Variants in PEAR1 observed in about 807,000 individuals in gnomAD.
PEAR1 encodes platelet endothelial aggregation receptor 1.
A neutral mutation model predicts 131.2 loss-of-function variants in PEAR1; 113 were observed. The observed-to-expected ratio is 0.86, with a 90% confidence interval of 0.74 to 1.01. PEAR1 has a LOEUF of 1.01. PEAR1 is among the 50% of genes least tolerant of loss of function. PEAR1 has a pLI of 0.00. For synonymous variants in PEAR1, 565 were observed against 523.3 expected, an observed-to-expected ratio of 1.08 and a Z score of -1.09; for missense variants, 1,408 against 1,391.1, an observed-to-expected ratio of 1.01 and a Z score of -0.19.
In PEAR1 at chr1:156,905,544, T is replaced by C. The variant is rs895734377; in HGVS notation, c.307+120T>C. 5 of 859,418 alleles carry C rather than the reference T, an allele frequency of 5.8e-6. No individual in the cohort carries two copies. The African/African-American group carries it at 7.0e-5, about 12-fold the overall frequency. The allele number at this position is 859,418 out of a possible 1,614,324, so 53.2% of individuals were successfully genotyped here. A position where few individuals can be genotyped will look rare whatever the true frequency, so the allele number is the denominator to read the frequency against. ...GGGGTTACTCCTCTGCCCTTTTGGG[T>C]TCCCCCCTCCTCTCCTCTCCCTGGC... is the stretch of plus-strand genomic sequence containing the variant. On this transcript the variant is annotated intron_variant, in intron 4 of 22. Coordinates refer to ENST00000292357, the MANE Select transcript of PEAR1 (RefSeq NM_001080471.3).
At chr1:156,901,555 A>G (rs1306084774) in intron 1 of PEAR1, among the ~76,000 whole-genome samples, 1 of 152,242 alleles carries the variant, frequency 6.6e-6, no homozygotes. Flanking sequence ...GATCCAGGGC[A>G]GAAGGATGGC....
chr1:156,908,942 T>G lies in PEAR1; in HGVS notation c.1317T>G (p.Pro439=), dbSNP rs749100246. The G allele has an allele frequency of 2.5e-6, 4 of 1,613,768 alleles. No homozygotes were observed. In the African/African-American group the frequency reaches 4.0e-5, roughly 16 times the overall value. ...YTGPHCASLC[P]PDTYGVNCSA... ...GCCCTCACTGTGCTAGTCTTTGTCC[T>G]CCTGACACCTACGGTGTCAACTGTT... Residue 439 remains proline, a synonymous_variant, in exon 11 of 23, where the codon CCT becomes CCG. Coordinates refer to ENST00000292357, the MANE Select transcript of PEAR1 (RefSeq NM_001080471.3). The surrounding 1 kb of genome is among the most constrained non-coding windows in gnomAD (Gnocchi z 4.2).
At chr1:156,906,497 C>A in intron 5 of PEAR1, 129 bp downstream of exon 5, 1 of 1,528,936 alleles carries the variant, frequency 6.5e-7, no homozygotes, top group Non-Finnish European at 8.9e-7. Flanking sequence ...AGCCCCATTG[C>A]TGCCATCTGC....
rs781182742 is a variant in PEAR1 at position 156,909,036 on chromosome 1, G to A, written c.1411G>A (p.Gly471Ser). Residue 471 changes from glycine (G) to serine (S), a missense_variant and splice_region_variant, in exon 11 of 23, where the codon GGT (glycine) becomes AGT (serine). Coordinates refer to ENST00000292357, the MANE Select transcript of PEAR1 (RefSeq NM_001080471.3). ...CGACGGCGAGTGCGTCTGCAAGGAA[G>A]GTAATAGGGTGGAGTTTCCCAGAGA... is the stretch of plus-strand genomic sequence containing the variant. ...PIDGECVCKEGWQRGNCSVPC... is the reference protein window; with the variant it reads ...PIDGECVCKESWQRGNCSVPC... 1.9e-6 allele frequency: 3 copies of A among 1,613,836 alleles called. No homozygotes were observed. The highest frequency in any genetic ancestry group is 1.3e-5 in the African/African-American group (1 of 74,928).
chr1:156,908,097 C>A lies in PEAR1; in HGVS notation c.903-31C>A, dbSNP rs534969041. On this transcript the variant is annotated intron_variant, in intron 8 of 22. Coordinates refer to ENST00000292357, the MANE Select transcript of PEAR1 (RefSeq NM_001080471.3). The surrounding 1 kb of genome is among the most constrained non-coding windows in gnomAD (Gnocchi z 4.2). ...GGGAGACGGGAGGGAGGAGGTGGGG[C>A]GCCGCCAGGCTCACTCAGCTAGGTG... The A allele has an allele frequency of 1.5e-4, 237 of 1,570,844 alleles. 1 individual carries two copies. The South Asian group carries it at 2.7e-3, about 18-fold the overall frequency.
chr1:156,905,089 G>GA lies in PEAR1; in HGVS notation c.207-235_207-234insA. 3 of 1,309,388 alleles carry GA rather than the reference G, an allele frequency of 2.3e-6. No individual in the cohort carries two copies. The South Asian group carries it at 3.8e-5, about 17-fold the overall frequency. The allele number at this position is 1,309,388 out of a possible 1,614,324, so 81.1% of individuals were successfully genotyped here. A position where few individuals can be genotyped will look rare whatever the true frequency, so the allele number is the denominator to read the frequency against. On this transcript the variant is annotated intron_variant, in intron 3 of 22. Coordinates refer to ENST00000292357, the MANE Select transcript of PEAR1 (RefSeq NM_001080471.3). ...AGTATATGCCTGTGGGGTTGGGGGG[G>GA]GGGCAAGAAGGGAATGCTCTTTCTT...
rs776244362 is a variant in PEAR1, at chr1:156,907,954, G to A, written c.805G>A (p.Gly269Arg). The stretch of plus-strand genomic sequence containing the variant: ...CCTGCCCTGCCCAGAGGGCTTTCAC[G>A]GACCCAACTGCTCCCAGGAATGTCG... The part of the protein sequence containing the change: ...CSLPCPEGFH[G>R]PNCSQECRCH... Residue 269 changes from glycine to arginine, a missense_variant, in exon 8 of 23, where the codon GGA becomes AGA. Transcript: ENST00000292357. 5.0e-6 allele frequency: 8 copies of A among 1,585,908 alleles called. No homozygotes were observed. Among genetic ancestry groups the A allele is most frequent in the Non-Finnish European group, 6.0e-6 (7 of 1,165,116 alleles).
At chr1:156,914,329 T>C (rs769844083) in intron 22 of PEAR1, among the ~76,000 whole-genome samples, 1 of 152,074 alleles carries the variant, frequency 6.6e-6, no homozygotes, top group Admixed American at 6.5e-5. Context: ...GAGCTCAGGA[T>C]AGAAGTGGGG....
chr1:156,907,661 C>A lies in PEAR1; in HGVS notation c.696C>A (p.Thr232=). The change falls in exon 7 of 23, where the codon ACC becomes ACA. Residue 232 remains threonine (T), a synonymous_variant. Transcript: ENST00000292357. ...QGTSGFFCPS[T]HSCQNGGVFQ... ...CTTCTGGCTTCTTCTGCCCCAGCAC[C>A]CATTCTTGCCAAAATGGAGGTGTCT... 1 of 1,613,984 alleles carries A rather than the reference C, an allele frequency of 6.2e-7. No homozygotes were observed. Among genetic ancestry groups the A allele is most frequent in the Non-Finnish European group, 8.5e-7 (1 of 1,179,912 alleles).
intron 6 of PEAR1, 72 bp from the exon 7 acceptor site, chr1:156,907,538 C>T (rs1650470575): frequency 1.3e-6 from 2 of 1,545,556 alleles, no homozygotes; most frequent in South Asian, 1.3e-5. Context: ...GTTGTGGGGG[C>T]AGTCCTTGGA....
Position 156,906,940 on chromosome 1 carries a change from A to G in PEAR1, c.644+60A>G, listed in dbSNP as rs1245427277. The G allele has an allele frequency of 5.8e-6, 9 of 1,540,904 alleles. No individual in the cohort carries two copies. The African/African-American group carries it at 8.2e-5, about 14-fold the overall frequency. On this transcript the variant is annotated intron_variant, in intron 6 of 22. Coordinates refer to ENST00000292357, the MANE Select transcript of PEAR1 (RefSeq NM_001080471.3). The stretch of plus-strand genomic sequence containing the variant: ...CGCAGACACAAGGCCACACAGATCT[A>G]TGTGGGGAAATGAGGTGACTCAGAC...
At chr1:156,903,870 G>A in intron 1 of PEAR1, 48 bp from the exon 2 acceptor site, 14 of 1,487,272 alleles carry the variant, frequency 9.4e-6, no homozygotes, top group Non-Finnish European at 1.3e-5. Context: ...GGTCCTCCAG[G>A]CTGCTGGCTG....
At chr1:156,896,528 G>A (rs753782303) in intron 1 of PEAR1, among the ~76,000 whole-genome samples, 3 of 152,352 alleles carry the variant, frequency 2.0e-5, no homozygotes, top group East Asian at 1.9e-4. Flanking sequence ...GACAGCCTGC[G>A]GGAGGGGTTG....
Position 156,913,722 on chromosome 1 carries a change from A to T in PEAR1, c.2675A>T (p.Tyr892Phe), listed in dbSNP as rs1009295573. The T allele has an allele frequency of 6.2e-7, 1 of 1,614,104 alleles. No individual in the cohort carries two copies. The highest frequency in any genetic ancestry group is 1.1e-5 in the South Asian group (1 of 91,074). Reference sequence around the variant, plus strand: ...AGCCGCCTGGACCGAAGCTACAGCTATAGCTACAGCAATGGCCCAGGCCCA... The same window carrying T: ...AGCCGCCTGGACCGAAGCTACAGCTTTAGCTACAGCAATGGCCCAGGCCCA... ...GSSRLDRSYS[Y>F]SYSNGPGPFY... The change falls in exon 21 of 23, where the codon TAT becomes TTT. Residue 892 changes from tyrosine (Y) to phenylalanine (F), a missense_variant. Tyr to Phe is a conservative substitution (Grantham distance 22). Coordinates refer to ENST00000292357, the MANE Select transcript of PEAR1 (RefSeq NM_001080471.3).
Position 156,914,843 on chromosome 1 carries a change from T to G in PEAR1, c.*45T>G. 6.2e-7 allele frequency: 1 copy of G among 1,605,658 alleles called. No homozygotes were observed. Among genetic ancestry groups the G allele is most frequent in the Non-Finnish European group, 8.5e-7 (1 of 1,175,068 alleles). On this transcript the variant is annotated 3_prime_UTR_variant, in exon 23 of 23. Coordinates refer to ENST00000292357, the MANE Select transcript of PEAR1 (RefSeq NM_001080471.3). ...AGAGGCCAGCACACCTGGCTGTTGC[T>G]GCTCAAGGCTGGGGACAGAGCCTAG...
Position 156,908,392 on chromosome 1 carries a change from T to C in PEAR1, c.1115+52T>C. The C allele has an allele frequency of 6.9e-7, 1 of 1,453,218 alleles. No individual in the cohort carries two copies. Among genetic ancestry groups the C allele is most frequent in the Non-Finnish European group, 9.1e-7 (1 of 1,100,700 alleles). 90.0% of individuals were successfully genotyped at this position (1,453,218 alleles called of 1,614,324 possible). On this transcript the variant is annotated intron_variant, in intron 9 of 22. Coordinates refer to ENST00000292357, the MANE Select transcript of PEAR1 (RefSeq NM_001080471.3). The surrounding 1 kb of genome is among the most constrained non-coding windows in gnomAD (Gnocchi z 4.2). ...GATCAGGAGGCCAATGGGGAGGTCT[T>C]CCTGGCCGAAGTCACCACAGAGCCA...
rs762839092 is a variant in PEAR1 at position 156,904,801 on chromosome 1, C to G, written c.155C>G (p.Ser52Ter). The change falls in exon 3 of 23, where the codon TCA becomes TGA. Residue 52 changes from serine (S) to a stop codon, truncating the protein, a stop_gained. Transcript: ENST00000292357. LOFTEE classifies it high-confidence loss of function. ...SHSRPFSLLPSEPCERPWEGP... is the reference protein window; with the variant it reads ...SHSRPFSLLP ...TCCCGCCCCTTCAGCCTGCTCCCCT[C>G]AGAGCCCTGCGAGCGGCCCTGGGAG... 6.2e-7 allele frequency: 1 copy of G among 1,613,958 alleles called. No individual in the cohort carries two copies. The highest frequency in any genetic ancestry group is 1.3e-5 in the African/African-American group (1 of 75,056).
At chr1:156,900,586 T>C (rs979019034) in intron 1 of PEAR1, among the ~76,000 whole-genome samples, 9 of 152,178 alleles carry the variant, frequency 5.9e-5, no homozygotes, top group Admixed American at 4.6e-4. Context: ...TAATGTAAAC[T>C]TTAAATGTGA....
chr1:156,908,641 G>T lies in PEAR1; in HGVS notation c.1116-14G>T, dbSNP rs917530446. On this transcript the variant is annotated splice_polypyrimidine_tract_variant and intron_variant, in intron 9 of 22. Coordinates refer to ENST00000292357, the MANE Select transcript of PEAR1 (RefSeq NM_001080471.3). This position sits in a 1 kb window ranked among gnomAD's most constrained non-coding sequence, Gnocchi z 4.2. ...CCAGCTCAGACCGCGCCACGCCCCC[G>T]CCTCTGCCCCCAGCTGCCACCCGAT... is the stretch of plus-strand genomic sequence containing the variant. The T allele has an allele frequency of 2.6e-6, 4 of 1,512,802 alleles. No individual in the cohort carries two copies. The highest frequency in any genetic ancestry group is 2.8e-5 in the African/African-American group (2 of 72,504). The allele number at this position is 1,512,802 out of a possible 1,614,324, so 93.7% of individuals were successfully genotyped here.
Sources: gnomAD v4.1 joint callset for allele counts (sites outside exome capture counted in the v4.1 genomes callset) on GRCh38, gnomAD v4.1.1 for gene constraint, Gnocchi (gnomAD v3.1) non-coding constraint, MANE v1.5 for transcripts, NCBI Gene and HGNC (gene_info 2026-07-23, HGNC 2026-07-21) for gene names.